The following DYNC1I2 variants were observed in gnomAD, a reference collection of about 807,000 sequenced individuals.
DYNC1I2 encodes cytoplasmic dynein 1 intermediate chain 2.
In DYNC1I2, 53 loss-of-function variants were observed where a neutral mutation model predicts 88.6. That is an observed-to-expected ratio of 0.60 (90% CI 0.48 to 0.75). The LOEUF (loss-of-function observed/expected upper bound fraction) is 0.75. Among genes scored for constraint, DYNC1I2 ranks in the 30% least tolerant of loss-of-function variants. The probability of loss-of-function intolerance (pLI) is 0.00; values close to 1 mark genes in which losing one functional copy is unlikely to be tolerated. For missense variants in DYNC1I2, 458 were observed against 766.6 expected (o/e 0.60, Z 4.75); for synonymous variants, 198 against 254.6 (o/e 0.78, Z 2.12).
chr2:171,739,696 CTTTTTTTTTTT>C (rs201750115), intron 15 of DYNC1I2, among the ~76,000 whole-genome samples: 1 of 65,090 alleles, frequency 1.5e-5, no homozygotes, highest in Non-Finnish European at 2.9e-5. Context: ...TGACATATCT[CTTTTTTTTTTT>C]TTTTTTTTTT....
chr2:171,719,686 A>G (rs1312701769), intron 7 of DYNC1I2, among the ~76,000 whole-genome samples: 1 of 152,244 alleles, frequency 6.6e-6, no homozygotes, highest in Admixed American at 6.5e-5. Flanking sequence ...TTTTTTAAAT[A>G]AAAATGGCCA....
intron 5 of DYNC1I2, chr2:171,712,279 T>C (rs1687177178): frequency 6.5e-6 from 1 of 152,782 alleles, no homozygotes. Context: ...GGCTTATGTG[T>C]TGACTCATTT....
At chr2:171,741,047 T>C (rs753525847) in intron 15 of DYNC1I2, among the ~76,000 whole-genome samples, 1 of 152,316 alleles carries the variant, frequency 6.6e-6, no homozygotes, top group Non-Finnish European at 1.5e-5. Context: ...TCATGGACAT[T>C]TCATGGAATC....
chr2:171,706,537 T>C lies in DYNC1I2; in HGVS notation c.227-10T>C, dbSNP rs202210167. The C allele has an allele frequency of 2.7e-5, 43 of 1,611,054 alleles. 1 individual carries two copies. The East Asian group carries it at 9.4e-4, about 35-fold the overall frequency. Reference sequence around the variant, plus strand: ...TTTTGGGTGTCTGTATCTTTGTCTGTACACTTCAGTTTTTTCTGAATACTG... The same window carrying C: ...TTTTGGGTGTCTGTATCTTTGTCTGCACACTTCAGTTTTTTCTGAATACTG... On this transcript the variant is annotated splice_polypyrimidine_tract_variant and intron_variant, in intron 3 of 17. Transcript: ENST00000397119.
intron 14 of DYNC1I2, among the ~76,000 whole-genome samples, chr2:171,729,309 G>T (rs1444915913): frequency 6.6e-6 from 1 of 151,968 alleles, no homozygotes; most frequent in Non-Finnish European, 1.5e-5. Flanking sequence ...AAATTGTCTA[G>T]CTGTACCTTA....
At chr2:171,710,642 C>T (rs1258314859) in intron 5 of DYNC1I2, among the ~76,000 whole-genome samples, 9 of 151,334 alleles carry the variant, frequency 5.9e-5, no homozygotes, top group Non-Finnish European at 2.9e-5. Context: ...TTTGTTATCT[C>T]AAAAATTTAG....
intron 15 of DYNC1I2, 34 bp from the exon 16 acceptor site, chr2:171,744,015 T>C (rs904176464): frequency 9.5e-6 from 15 of 1,585,728 alleles, no homozygotes; most frequent in African/African-American, 2.7e-5. Context: ...ATGTCATATA[T>C]GGACTGTGCT....
At chr2:171,747,653 G>A in intron 17 of DYNC1I2, 123 bp from the exon 18 acceptor site, 1 of 610,476 alleles carries the variant, frequency 1.6e-6, no homozygotes, top group Non-Finnish European at 2.9e-6. Flanking sequence ...CGTAATTATG[G>A]AAAGGCCATT....
chr2:171,690,288 TAAAC>T (rs940402766), intron 2 of DYNC1I2, 25 bp downstream of exon 2: 36 of 1,468,130 alleles, frequency 2.5e-5, no homozygotes, highest in Non-Finnish European at 3.3e-5. Context: ...TTTGCTTAAA[TAAAC>T]AACATAAAGT....
chr2:171,694,408 A>T (rs1241556943), intron 3 of DYNC1I2, among the ~76,000 whole-genome samples: 2 of 152,306 alleles, frequency 1.3e-5, no homozygotes, highest in Middle Eastern at 6.8e-3. Context: ...CTGTAATCCC[A>T]GCACTTTGGG....
intron 13 of DYNC1I2, 49 bp downstream of exon 13, chr2:171,728,467 A>T: frequency 8.6e-7 from 1 of 1,158,020 alleles, no homozygotes; most frequent in Non-Finnish European, 1.2e-6. Context: ...GTTATGTTTT[A>T]AGTGTATGTG....
At chr2:171,723,907 T>C (rs1039461196) in intron 7 of DYNC1I2, among the ~76,000 whole-genome samples, 1 of 152,180 alleles carries the variant, frequency 6.6e-6, no homozygotes, top group Non-Finnish European at 1.5e-5. Context: ...GTTTGGCAGG[T>C]TGATTGCTCT....
chr2:171,688,632 T>C (rs1685154362), intron 1 of DYNC1I2: 1 of 152,204 alleles, frequency 6.6e-6, no homozygotes, highest in African/African-American at 2.4e-5. Context: ...TTGGAAGATA[T>C]TGTGTATATA....
At position 171,727,968 on chromosome 2, in the gene DYNC1I2, G is replaced by T; in HGVS notation, c.1143+1G>T. 6.2e-7 allele frequency: 1 copy of T among 1,612,126 alleles called. No homozygotes were observed. Among genetic ancestry groups the T allele is most frequent in the Non-Finnish European group, 8.5e-7 (1 of 1,178,904 alleles). ...TCCACTGTCAGCAGCTGCACACACA[G>T]TAAGTAAATAAGGTTATTTCCATTA... On this transcript the variant is annotated splice_donor_variant, in intron 12 of 17. Transcript: ENST00000397119. LOFTEE classifies it high-confidence loss of function.
intron 15 of DYNC1I2, among the ~76,000 whole-genome samples, chr2:171,733,281 G>A (rs774002184): frequency 1.3e-5 from 2 of 152,066 alleles, no homozygotes; most frequent in Non-Finnish European, 2.9e-5. Context: ...CTTTGCTAGT[G>A]TCTTTATAAT....
chr2:171,700,374 G>T (rs1478291574), intron 3 of DYNC1I2, among the ~76,000 whole-genome samples: 6 of 152,168 alleles, frequency 3.9e-5, no homozygotes, highest in Admixed American at 6.5e-5. Flanking sequence ...CTGTCCATTG[G>T]AAGAGAAACA....
At chr2:171,708,705 A>G (rs900964463) in intron 5 of DYNC1I2, among the ~76,000 whole-genome samples, 1 of 149,762 alleles carries the variant, frequency 6.7e-6, no homozygotes, top group African/African-American at 2.5e-5. Flanking sequence ...TTTATTTTTT[A>G]TTTTTTTTGC....
intron 7 of DYNC1I2, among the ~76,000 whole-genome samples, chr2:171,721,275 G>A (rs1223789819): frequency 6.6e-6 from 1 of 151,972 alleles, no homozygotes; most frequent in Non-Finnish European, 1.5e-5. Context: ...AGTCAGCTGT[G>A]TATTTTTCCC....
chr2:171,717,997 C>T (rs1687637414), intron 7 of DYNC1I2, among the ~76,000 whole-genome samples: 1 of 148,154 alleles, frequency 6.7e-6, no homozygotes, highest in Admixed American at 6.8e-5. Flanking sequence ...CTCTTTGTTG[C>T]CCAGGCTGGA....
Sources: allele counts gnomAD v4.1 joint callset (sites outside exome capture counted in the v4.1 genomes callset), GRCh38; gene constraint gnomAD v4.1.1; transcripts MANE v1.5; gene names NCBI Gene and HGNC (gene_info 2026-07-23, HGNC 2026-07-21).